CTNNA3: variants seen among roughly 807,000 people sequenced by gnomAD.
CTNNA3 encodes catenin alpha 3, also known as catenin alpha-3.
CTNNA3 carries 76 observed loss-of-function variants against 95.7 expected under a neutral mutation model. The observed-to-expected ratio is 0.79, with a 90% CI of 0.66 to 0.96. CTNNA3 has a LOEUF of 0.96. Ranked by LOEUF, CTNNA3 falls within the 40% of genes least tolerant of loss-of-function variation. CTNNA3 has a pLI of 0.00. For missense variants in CTNNA3, 1,191 were observed against 1,089.8 expected (o/e 1.09, Z -1.31); for synonymous variants, 431 against 374.4 (o/e 1.15, Z -1.74).
chr10:66,004,258 G>A (rs77363988), intron 15 of CTNNA3, among the ~76,000 whole-genome samples: 4,045 of 152,222 alleles, frequency 0.027, 167 homozygotes, highest in African/African-American at 0.092. Context: ...ATTCCCAGCC[G>A]TTGTTCTAAG....
intron 1 of CTNNA3, among the ~76,000 whole-genome samples, chr10:67,721,361 AT>A (rs1011584114): frequency 2.0e-5 from 3 of 147,572 alleles, no homozygotes; most frequent in African/African-American, 5.0e-5. Context: ...ATTCCTTTTC[AT>A]TTTTTTTTCT....
intron 11 of CTNNA3, among the ~76,000 whole-genome samples, chr10:66,416,328 A>C (rs1307804427): frequency 2.0e-5 from 3 of 152,044 alleles, no homozygotes; most frequent in Non-Finnish European, 2.9e-5. Context: ...AAAGTGATAA[A>C]ATATATAAAT....
At chr10:67,638,139 C>T (rs1051332034) in intron 2 of CTNNA3, among the ~76,000 whole-genome samples, 1 of 152,104 alleles carries the variant, frequency 6.6e-6, no homozygotes, top group African/African-American at 2.4e-5. Flanking sequence ...CAGAGACACA[C>T]ATAGGCTCAA....
intron 5 of CTNNA3, among the ~76,000 whole-genome samples, chr10:67,275,351 C>A (rs1397761736): frequency 2.6e-5 from 4 of 151,884 alleles, no homozygotes; most frequent in South Asian, 2.1e-4. Context: ...GAACTCTTAG[C>A]CAAAATAACA....
intron 7 of CTNNA3, among the ~76,000 whole-genome samples, chr10:66,848,821 T>C (rs1843373405): frequency 6.6e-6 from 1 of 152,204 alleles, no homozygotes; most frequent in African/African-American, 2.4e-5. Context: ...ATATTAATTC[T>C]GGAAAACCAC....
chr10:66,958,219 A>G (rs186889613), intron 7 of CTNNA3, among the ~76,000 whole-genome samples: 204 of 151,822 alleles, frequency 1.3e-3, no homozygotes, highest in African/African-American at 4.7e-3. Context: ...AATTGGCCCA[A>G]CTGATTTATT....
chr10:67,540,039 G>GTTACTTTC (rs1283438401), intron 3 of CTNNA3, among the ~76,000 whole-genome samples: 1 of 152,032 alleles, frequency 6.6e-6, no homozygotes, highest in Non-Finnish European at 1.5e-5. Flanking sequence ...TCTTTATTGA[G>GTTACTTTC]TTACTTTCCA....
chr10:66,906,393 T>A (rs1305484151), intron 7 of CTNNA3, among the ~76,000 whole-genome samples: 1 of 152,134 alleles, frequency 6.6e-6, no homozygotes, highest in African/African-American at 2.4e-5. Context: ...TGGAGATGCA[T>A]TCAACAACAT....
At chr10:66,452,850 A>G (rs1283435407) in intron 11 of CTNNA3, among the ~76,000 whole-genome samples, 1 of 151,908 alleles carries the variant, frequency 6.6e-6, no homozygotes, top group Non-Finnish European at 1.5e-5. Context: ...GACTGCCTAT[A>G]ATTTCATCCC....
In CTNNA3 at chr10:67,460,710, G is replaced by GA. The variant is rs372700629; in HGVS notation, c.579+61131dup. On this transcript the variant is annotated intron_variant, in intron 5 of 17. Coordinates refer to ENST00000433211, the MANE Select transcript of CTNNA3 (RefSeq NM_013266.4). ...CATTATTTTTGATTACAGGGAGTAG[G>GA]AAAAAAAAGACTTTAAAAAGGCCAT... is the stretch of plus-strand genomic sequence containing the variant. Among the ~76,000 whole-genome samples the GA allele has an allele frequency of 3.3e-3, 491 of 150,034 alleles. 1 individual carries two copies. Among genetic ancestry groups the GA allele is most frequent in the African/African-American group, 0.011 (463 of 40,938 alleles).
rs528075821 is a variant in CTNNA3 at position 66,057,948 on chromosome 10, G to A, written c.2159+11360C>T. 2.0e-4 allele frequency among the ~76,000 whole-genome samples: 31 copies of A among 152,232 alleles called. No homozygotes were observed. The South Asian group carries it at 4.1e-3, about 20-fold the overall frequency. On this transcript the variant is annotated intron_variant, in intron 15 of 17. Transcript: ENST00000433211. Reference sequence around the variant, plus strand: ...GAATTCAGTAGTCTTATCAAGTAATGTAAAAAATGGACTTCTCTGCCTTTA... The same window carrying A: ...GAATTCAGTAGTCTTATCAAGTAATATAAAAAATGGACTTCTCTGCCTTTA...
intron 2 of CTNNA3, among the ~76,000 whole-genome samples, chr10:67,643,328 G>A (rs1323680334): frequency 6.6e-6 from 1 of 151,978 alleles, no homozygotes. Flanking sequence ...GGGGTGGGAG[G>A]AGGGAGAGCA....
chr10:66,877,381 G>T (rs578029589), intron 7 of CTNNA3, among the ~76,000 whole-genome samples: 4 of 152,268 alleles, frequency 2.6e-5, no homozygotes, highest in African/African-American at 9.6e-5. Flanking sequence ...CAGGCACATT[G>T]CTTCTCACCT....
chr10:66,272,103 T>C (rs1276995499), intron 13 of CTNNA3, among the ~76,000 whole-genome samples: 1 of 152,184 alleles, frequency 6.6e-6, no homozygotes, highest in Non-Finnish European at 1.5e-5. Flanking sequence ...TTCTTTCCAC[T>C]AAGGTTTGAT....
At chr10:66,366,868 T>C (rs528586042) in intron 12 of CTNNA3, among the ~76,000 whole-genome samples, 1 of 152,314 alleles carries the variant, frequency 6.6e-6, no homozygotes, top group Admixed American at 6.5e-5. Context: ...TCTTTGTGTG[T>C]GTGTGTTCTA....
intron 13 of CTNNA3, among the ~76,000 whole-genome samples, chr10:66,277,044 C>T (rs974166054): frequency 2.0e-5 from 3 of 151,968 alleles, no homozygotes; most frequent in African/African-American, 7.2e-5. Context: ...ACTGCTTATT[C>T]TCTGAGTGTG....
chr10:66,227,169 T>G (rs968592845), intron 13 of CTNNA3, among the ~76,000 whole-genome samples: 2 of 152,132 alleles, frequency 1.3e-5, no homozygotes, highest in African/African-American at 4.8e-5. Context: ...CCAGCTGCAC[T>G]TTATTCCTTT....
At chr10:66,950,144 G>A (rs565642754) in intron 7 of CTNNA3, among the ~76,000 whole-genome samples, 1 of 152,094 alleles carries the variant, frequency 6.6e-6, no homozygotes, top group African/African-American at 2.4e-5. Context: ...CTGGAACATT[G>A]CTTTTTGACA....
intron 7 of CTNNA3, among the ~76,000 whole-genome samples, chr10:66,793,491 TTAAAG>T (rs1230906363): frequency 1.3e-5 from 2 of 152,076 alleles, no homozygotes; most frequent in Admixed American, 6.6e-5. Context: ...TTTTTTTTGC[TTAAAG>T]TAAACTTGTC....
Sources: allele counts gnomAD v4.1 joint callset (sites outside exome capture counted in the v4.1 genomes callset), GRCh38; gene constraint gnomAD v4.1.1; transcripts MANE v1.5; gene names NCBI Gene and HGNC (gene_info 2026-07-23, HGNC 2026-07-21).